Variants in LUZP2 observed in about 807,000 individuals in gnomAD.
LUZP2 encodes the protein leucine zipper protein 2.
A neutral mutation model predicts 51.6 loss-of-function variants in LUZP2; 52 were observed. The ratio of observed to expected loss-of-function variants is 1.01; its 90% CI spans 0.81 to 1.27. The LOEUF is 1.27. LUZP2 is among the 50% of genes most tolerant of loss of function. The probability of loss-of-function intolerance (pLI) is 0.00; values close to 1 mark genes in which losing one functional copy is unlikely to be tolerated. For synonymous variants in LUZP2, 154 were observed against 137.3 expected (o/e 1.12, Z -0.85); for missense variants, 436 against 395.4 (o/e 1.10, Z -0.87).
intron 1 of LUZP2, among the ~76,000 whole-genome samples, chr11:24,586,423 A>G (rs957699829): frequency 6.6e-6 from 1 of 151,992 alleles, no homozygotes; most frequent in Non-Finnish European, 1.5e-5. Flanking sequence ...GAAGAGTTTA[A>G]TTTTCTAAAT....
intron 1 of LUZP2, among the ~76,000 whole-genome samples, chr11:24,507,403 C>G (rs1345464254): frequency 6.6e-6 from 1 of 152,024 alleles, no homozygotes; most frequent in African/African-American, 2.4e-5. Context: ...TGTATAAATA[C>G]ATTTAGTAAA....
At chr11:24,944,192 A>T (rs921774546) in intron 7 of LUZP2, among the ~76,000 whole-genome samples, 1 of 152,158 alleles carries the variant, frequency 6.6e-6, no homozygotes, top group Non-Finnish European at 1.5e-5. Context: ...AAAATGTCTG[A>T]GAAGGGGTCA....
At chr11:24,987,961 G>C (rs1348926093) in intron 9 of LUZP2, among the ~76,000 whole-genome samples, 1 of 151,996 alleles carries the variant, frequency 6.6e-6, no homozygotes, top group African/African-American at 2.4e-5. Flanking sequence ...GTTTAGGCTA[G>C]TTTTGGAGGT....
At chr11:24,953,765 A>G (rs956435868) in intron 7 of LUZP2, among the ~76,000 whole-genome samples, 3 of 152,040 alleles carry the variant, frequency 2.0e-5, no homozygotes, top group Non-Finnish European at 4.4e-5. Context: ...TAATTTGTTC[A>G]TCCAATACTG....
At chr11:25,004,016 G>C (rs541025299) in intron 9 of LUZP2, among the ~76,000 whole-genome samples, 1 of 152,152 alleles carries the variant, frequency 6.6e-6, no homozygotes, top group Non-Finnish European at 1.5e-5. Context: ...CAGGACAGGA[G>C]ATTAGTACTG....
At chr11:24,909,308 C>T (rs1157740208) in intron 6 of LUZP2, among the ~76,000 whole-genome samples, 1 of 151,786 alleles carries the variant, frequency 6.6e-6, no homozygotes, top group Non-Finnish European at 1.5e-5. Context: ...ATATTCTGTA[C>T]ATTCAGAATA....
rs534979440 is a variant in LUZP2 at position 24,967,263 on chromosome 11, G to T, written c.523-9328G>T. Among the ~76,000 whole-genome samples, 7 of 151,930 alleles carry T rather than the reference G, an allele frequency of 4.6e-5. No individual in the cohort carries two copies. The East Asian group carries it at 1.4e-3, about 29-fold the overall frequency. On this transcript the variant is annotated intron_variant, in intron 7 of 11. Coordinates refer to ENST00000336930, the MANE Select transcript of LUZP2 (RefSeq NM_001009909.4). ...ATTACAGTCTGTTTGTATTTTATCTGTACATTCATTAATTTAGGGAGACCA... is the reference window on the plus strand; with the variant it reads ...ATTACAGTCTGTTTGTATTTTATCTTTACATTCATTAATTTAGGGAGACCA...
At chr11:24,517,686 TA>T in intron 1 of LUZP2, among the ~76,000 whole-genome samples, 1 of 152,114 alleles carries the variant, frequency 6.6e-6, no homozygotes, top group East Asian at 1.9e-4. Flanking sequence ...TTTGCTTTCT[TA>T]AAAATCCATT....
At chr11:24,936,877 G>A (rs979361254) in intron 7 of LUZP2, among the ~76,000 whole-genome samples, 30 of 151,998 alleles carry the variant, frequency 2.0e-4, no homozygotes, top group Admixed American at 1.1e-3. Flanking sequence ...CATAACTAGC[G>A]TATCTTCCCA....
intron 1 of LUZP2, among the ~76,000 whole-genome samples, chr11:24,639,559 C>A (rs1206503987): frequency 6.6e-6 from 1 of 151,744 alleles, no homozygotes; most frequent in Non-Finnish European, 1.5e-5. Context: ...TCAAGCAATT[C>A]TCCTGCCGCA....
chr11:24,759,300 A>G (rs1251552507), intron 4 of LUZP2, among the ~76,000 whole-genome samples: 1 of 152,170 alleles, frequency 6.6e-6, no homozygotes, highest in Admixed American at 6.5e-5. Flanking sequence ...CAGGGTAAAT[A>G]CAATGTATTT....
chr11:24,595,003 G>A (rs897960921), intron 1 of LUZP2, among the ~76,000 whole-genome samples: 10 of 151,612 alleles, frequency 6.6e-5, no homozygotes, highest in African/African-American at 2.4e-4. Context: ...CTTGTGATCC[G>A]CCCATCTCGG....
chr11:24,633,964 G>GTGTATATATA (rs141308575), intron 1 of LUZP2, among the ~76,000 whole-genome samples: 13,532 of 149,062 alleles, frequency 0.091, 748 homozygotes, highest in East Asian at 0.17. Flanking sequence ...GTGTGTGTGT[G>GTGTATATATA]TATATATAGT....
intron 9 of LUZP2, among the ~76,000 whole-genome samples, chr11:24,984,615 A>C (rs537174084): frequency 6.8e-6 from 1 of 147,452 alleles, no homozygotes; most frequent in Non-Finnish European, 1.5e-5. Context: ...GGTTTACTAG[A>C]AAAAGGTTAA....
chr11:24,536,602 G>C (rs1360079022), intron 1 of LUZP2, among the ~76,000 whole-genome samples: 2 of 151,828 alleles, frequency 1.3e-5, no homozygotes, highest in African/African-American at 2.4e-5. Context: ...TGAGGGCCTT[G>C]CTATGGATTA....
chr11:24,802,731 G>A (rs1849730347), intron 5 of LUZP2, among the ~76,000 whole-genome samples: 1 of 151,844 alleles, frequency 6.6e-6, no homozygotes, highest in Non-Finnish European at 1.5e-5. Context: ...TATGTACCTT[G>A]CTATGGTTTG....
chr11:24,987,872 C>T (rs1856232666), intron 9 of LUZP2, among the ~76,000 whole-genome samples: 1 of 151,932 alleles, frequency 6.6e-6, no homozygotes, highest in African/African-American at 2.4e-5. Flanking sequence ...GCCTAGGCGG[C>T]ATCTTCAAAT....
At chr11:24,898,352 C>A (rs182746538) in intron 5 of LUZP2, among the ~76,000 whole-genome samples, 1 of 152,090 alleles carries the variant, frequency 6.6e-6, no homozygotes, top group Admixed American at 6.5e-5. Context: ...AGGCCGGGCG[C>A]GGTGGCTCAT....
intron 9 of LUZP2, among the ~76,000 whole-genome samples, chr11:25,013,870 G>A (rs1389755691): frequency 6.6e-6 from 1 of 151,956 alleles, no homozygotes; most frequent in Non-Finnish European, 1.5e-5. Flanking sequence ...TTTAACATTA[G>A]GTATATCTCC....
Sources: allele counts gnomAD v4.1 joint callset (sites outside exome capture counted in the v4.1 genomes callset), GRCh38; gene constraint gnomAD v4.1.1; transcripts MANE v1.5; gene names NCBI Gene and HGNC (gene_info 2026-07-23, HGNC 2026-07-21).